The following PDXDC1 variants were observed in gnomAD, a reference collection of about 807,000 sequenced individuals.
The protein encoded by PDXDC1 is pyridoxal dependent decarboxylase domain containing 1, also known as pyridoxal-dependent decarboxylase domain-containing protein 1.
Under a neutral mutation model 100.1 loss-of-function variants are expected in PDXDC1, and 42 were observed. The observed-to-expected ratio is 0.42, with a 90% CI of 0.33 to 0.54. The LOEUF (loss-of-function observed/expected upper bound fraction) is 0.54. Ranked by LOEUF, PDXDC1 falls within the 20% of genes least tolerant of loss-of-function variation. The pLI is 0.10. For missense variants in PDXDC1, 636 were observed against 979.2 expected, an observed-to-expected ratio of 0.65 and a Z score of 4.68; for synonymous variants, 260 against 371.7, an observed-to-expected ratio of 0.70 and a Z score of 3.46.
In PDXDC1 at chr16:15,095,133, C is replaced by T. The variant is rs573783341; in HGVS notation, c.1400-43746C>T. 7.9e-5 allele frequency among the ~76,000 whole-genome samples: 12 copies of T among 152,088 alleles called. No homozygotes were observed. The South Asian group carries it at 2.5e-3, about 32-fold the overall frequency. The stretch of plus-strand genomic sequence containing the variant: ...GATTACAAGCATGAGCCACCACGCC[C>T]GGCCAAACTTAAATTTTTAAAAGAG... On this transcript the variant is annotated intron_variant, in intron 16 of 16. Coordinates refer to the PDXDC1 transcript ENST00000535621.
At chr16:15,064,703 C>T (rs1199242612) in intron 16 of PDXDC1, among the ~76,000 whole-genome samples, 1 of 152,234 alleles carries the variant, frequency 6.6e-6, no homozygotes, top group Non-Finnish European at 1.5e-5. Flanking sequence ...GATCTACCCA[C>T]TCTGGGGTGC....
chr16:15,125,873 C>T (rs1196497957), intron 16 of PDXDC1: 3 of 783,910 alleles, frequency 3.8e-6, no homozygotes, highest in Admixed American at 3.9e-5. Flanking sequence ...GATGAGAAGC[C>T]ACCTCCTCAG....
downstream of PDXDC1, among the ~76,000 whole-genome samples, chr16:15,139,826 G>A (rs910552174): frequency 1.3e-5 from 2 of 152,094 alleles, no homozygotes; most frequent in African/African-American, 4.8e-5. Flanking sequence ...GGCTGGGCAC[G>A]GTGGCTCACT....
At chr16:15,075,468 G>A (rs934353579) in intron 16 of PDXDC1, among the ~76,000 whole-genome samples, 1 of 151,660 alleles carries the variant, frequency 6.6e-6, no homozygotes, top group Non-Finnish European at 1.5e-5. Context: ...TACTCGGGGA[G>A]GCTGAGGTGG....
chr16:15,109,856 A>G (rs1461521974), intron 16 of PDXDC1, among the ~76,000 whole-genome samples: 4 of 96,322 alleles, frequency 4.2e-5, no homozygotes, highest in Admixed American at 2.2e-4. Flanking sequence ...CTCAAAATTT[A>G]AAAAAAAAAA....
chr16:15,044,283 G>A (rs754035848), intron 16 of PDXDC1: 1 of 1,250,486 alleles, frequency 8.0e-7, no homozygotes, highest in Non-Finnish European at 1.2e-6. Flanking sequence ...AAGCAAATAT[G>A]GGTACATATT....
intron 16 of PDXDC1, among the ~76,000 whole-genome samples, chr16:15,078,338 T>C (rs928789621): frequency 2.0e-5 from 3 of 152,120 alleles, no homozygotes; most frequent in African/African-American, 7.2e-5. Flanking sequence ...TCTCCACTCC[T>C]AAACCACGCC....
chr16:15,034,175 A>C lies in PDXDC1; in HGVS notation c.1813-111A>C, dbSNP rs2043249767. The C allele has an allele frequency of 3.5e-6, 3 of 851,774 alleles. No individual in the cohort carries two copies. The East Asian group carries it at 7.9e-5, about 22-fold the overall frequency. 52.8% of individuals were successfully genotyped at this position (851,774 alleles called of 1,614,324 possible). On this transcript the variant is annotated intron_variant, in intron 19 of 22. Coordinates refer to ENST00000396410, the MANE Select transcript of PDXDC1 (RefSeq NM_015027.4). ...TCGTTTTACGCCGGCTTTTCAATGCAGGATTTCATTGACCTGCTTTTGAAA... is the reference window on the plus strand; with the variant it reads ...TCGTTTTACGCCGGCTTTTCAATGCCGGATTTCATTGACCTGCTTTTGAAA...
In PDXDC1 at chr16:15,127,777, A is replaced by T. The variant is rs980428672; in HGVS notation, c.1400-11102A>T. The T allele has an allele frequency of 7.7e-6, 12 of 1,553,500 alleles. No homozygotes were observed. In the African/African-American group the frequency reaches 1.5e-4, roughly 19 times the overall value. On this transcript the variant is annotated intron_variant, in intron 16 of 16. Coordinates refer to the PDXDC1 transcript ENST00000535621. ...GAGAACGCAGCAGGTGGCCCTCTGG[A>T]TGCGAGTGAAACAGCTACGAGGCGG...
chr16:15,139,750 C>T (rs1179628197), downstream of PDXDC1, among the ~76,000 whole-genome samples: 1 of 152,078 alleles, frequency 6.6e-6, no homozygotes, highest in African/African-American at 2.4e-5. Flanking sequence ...CACTGCAGTC[C>T]AGCCTGGGCG....
chr16:15,150,011 TG>T, the PDXDC1 span, among the ~76,000 whole-genome samples: 1 of 151,246 alleles, frequency 6.6e-6, no homozygotes, highest in African/African-American at 2.4e-5. Context: ...TTCAACAAAT[TG>T]CACAAGGAAA....
intron 16 of PDXDC1, chr16:15,109,075 C>G (rs528713160): frequency 2.2e-5 from 3 of 138,008 alleles, no homozygotes; most frequent in African/African-American, 7.7e-5. Flanking sequence ...ACTCCCATCT[C>G]TTCTGCAGCA....
At chr16:15,122,190 C>T (rs1379659780) in intron 16 of PDXDC1, among the ~76,000 whole-genome samples, 2 of 151,918 alleles carry the variant, frequency 1.3e-5, no homozygotes, top group African/African-American at 2.4e-5. Flanking sequence ...ACAAAAAAGT[C>T]ATCAAACCAG....
chr16:15,081,374 G>C (rs1305598034), intron 16 of PDXDC1, among the ~76,000 whole-genome samples: 1 of 152,108 alleles, frequency 6.6e-6, no homozygotes, highest in Non-Finnish European at 1.5e-5. Flanking sequence ...CCATATCCTT[G>C]TGAACACTTG....
At chr16:15,098,083 T>G (rs1401756217) in intron 16 of PDXDC1, among the ~76,000 whole-genome samples, 1 of 151,594 alleles carries the variant, frequency 6.6e-6, no homozygotes, top group African/African-American at 2.4e-5. Context: ...AGCCTGAATA[T>G]TCTTGTATCA....
intron 16 of PDXDC1, among the ~76,000 whole-genome samples, chr16:15,056,921 G>A (rs1180116659): frequency 1.3e-5 from 2 of 152,166 alleles, no homozygotes; most frequent in Non-Finnish European, 2.9e-5. Context: ...GGAACCGTGG[G>A]GGAAGGATTT....
intron 16 of PDXDC1, among the ~76,000 whole-genome samples, chr16:15,051,342 C>G (rs2044282508): frequency 6.6e-6 from 1 of 152,234 alleles, no homozygotes; most frequent in Non-Finnish European, 1.5e-5. Flanking sequence ...AAACAGTAGA[C>G]TGCTTTGCTC....
intron 16 of PDXDC1, among the ~76,000 whole-genome samples, chr16:15,085,947 CA>C (rs1333288640): frequency 6.6e-6 from 1 of 152,106 alleles, no homozygotes; most frequent in Admixed American, 6.5e-5. Flanking sequence ...TCATAAAACT[CA>C]CAGCAACAAA....
downstream of PDXDC1, among the ~76,000 whole-genome samples, chr16:15,040,816 G>A (rs933116069): frequency 3.9e-5 from 6 of 152,146 alleles, no homozygotes; most frequent in African/African-American, 1.4e-4. Flanking sequence ...GGTGGGCATG[G>A]CCTGTCCTTT....
Sources: allele counts gnomAD v4.1 joint callset (sites outside exome capture counted in the v4.1 genomes callset), GRCh38; gene constraint gnomAD v4.1.1; transcripts MANE v1.5; gene names NCBI Gene and HGNC (gene_info 2026-07-23, HGNC 2026-07-21).